CPAMD8: variants seen among roughly 807,000 people sequenced by gnomAD.
CPAMD8 encodes the protein C3 and PZP like alpha-2-macroglobulin domain containing 8.
In CPAMD8, 146 loss-of-function variants were observed where a neutral mutation model predicts 224.7. The ratio of observed to expected loss-of-function variants is 0.65; its 90% CI spans 0.57 to 0.75. The LOEUF (loss-of-function observed/expected upper bound fraction) is 0.75, where lower values mean the gene tolerates loss of function less well. CPAMD8 is among the 30% of genes least tolerant of loss of function. CPAMD8 has a pLI of 0.00. For missense variants in CPAMD8, 2,301 were observed against 2,537.5 expected (o/e 0.91, Z 2.00); for synonymous variants, 966 against 1,044.6 (o/e 0.92, Z 1.45).
At chr19:17,019,966 C>CTT (rs2056910542) in intron 3 of CPAMD8, among the ~76,000 whole-genome samples, 5 of 115,922 alleles carry the variant, frequency 4.3e-5, no homozygotes, top group African/African-American at 1.3e-4. Context: ...TTTTTTTTTT[C>CTT]TTTTCTTTTT....
intron 8 of CPAMD8, 127 bp from the exon 9 acceptor site, chr19:17,002,477 A>G: frequency 1.6e-6 from 1 of 629,212 alleles, no homozygotes; most frequent in Non-Finnish European, 2.9e-6. Flanking sequence ...CACTGTACCC[A>G]TCCACACCAC....
At chr19:16,914,298 A>C (rs2052846735) in intron 29 of CPAMD8, 126 bp downstream of exon 29, 1 of 713,836 alleles carries the variant, frequency 1.4e-6, no homozygotes, top group South Asian at 1.7e-5. Context: ...AAAGCATGAA[A>C]AAGCCTCGAT....
chr19:17,011,880 G>A (rs1441634640), intron 3 of CPAMD8, 123 bp from the exon 4 acceptor site: 2 of 1,114,426 alleles, frequency 1.8e-6, no homozygotes, highest in Non-Finnish European at 2.5e-6. Flanking sequence ...TGCCCCAGGG[G>A]GACACTTGGC....
intron 19 of CPAMD8, among the ~76,000 whole-genome samples, chr19:16,954,929 C>A (rs1175586085): frequency 6.6e-6 from 1 of 152,130 alleles, no homozygotes; most frequent in Non-Finnish European, 1.5e-5. Flanking sequence ...GAGATCGATA[C>A]CATCCTGGGT....
intron 18 of CPAMD8, among the ~76,000 whole-genome samples, chr19:16,963,977 T>TA (rs2054738618): frequency 6.6e-6 from 1 of 152,214 alleles, no homozygotes; most frequent in South Asian, 2.1e-4. Context: ...AATAAAGATG[T>TA]TCTTTGAAAC....
At chr19:16,979,126 A>G (rs569361041) in intron 14 of CPAMD8, among the ~76,000 whole-genome samples, 1 of 147,506 alleles carries the variant, frequency 6.8e-6, no homozygotes, top group South Asian at 2.2e-4. Flanking sequence ...CCATCCAACC[A>G]TCCATCTATT....
chr19:16,997,792 A>C (rs1438961777), intron 10 of CPAMD8, among the ~76,000 whole-genome samples: 1 of 151,452 alleles, frequency 6.6e-6, no homozygotes, highest in East Asian at 2.0e-4. Flanking sequence ...GCAGAGGTTG[A>C]GGTGAGCCTG....
At chr19:16,912,078 C>T (rs1047903079) in intron 29 of CPAMD8, among the ~76,000 whole-genome samples, 2 of 152,166 alleles carry the variant, frequency 1.3e-5, no homozygotes, top group South Asian at 4.1e-4. Flanking sequence ...CAAGCTCAGG[C>T]TCCCACTGAT....
intron 14 of CPAMD8, among the ~76,000 whole-genome samples, chr19:16,979,339 CATCT>C (rs1480289299): frequency 1.3e-5 from 2 of 150,372 alleles, no homozygotes; most frequent in Non-Finnish European, 3.0e-5. Context: ...TCCAGCCATC[CATCT>C]GTCCATTCAT....
intron 29 of CPAMD8, among the ~76,000 whole-genome samples, chr19:16,909,045 A>C (rs2052626859): frequency 6.6e-6 from 1 of 152,194 alleles, no homozygotes; most frequent in Non-Finnish European, 1.5e-5. Context: ...CAAGGGGTCA[A>C]GGTCATTTGC....
intron 17 of CPAMD8, among the ~76,000 whole-genome samples, chr19:16,973,095 G>A (rs1396433512): frequency 6.6e-6 from 1 of 152,090 alleles, no homozygotes. Context: ...CTTGAGCCCA[G>A]GAGGTCGAGA....
chr19:16,932,468 G>C (rs1438296502), intron 23 of CPAMD8, among the ~76,000 whole-genome samples: 1 of 152,054 alleles, frequency 6.6e-6, no homozygotes, highest in Non-Finnish European at 1.5e-5. Flanking sequence ...TGAGACAAAA[G>C]AGAACACGTA....
chr19:16,946,261 C>T (rs2054077927), intron 21 of CPAMD8, among the ~76,000 whole-genome samples: 2 of 147,832 alleles, frequency 1.4e-5, no homozygotes, highest in South Asian at 4.3e-4. Flanking sequence ...CACATGTGGG[C>T]ATGTGTGTGT....
intron 18 of CPAMD8, among the ~76,000 whole-genome samples, chr19:16,967,865 G>T (rs1275772567): frequency 7.2e-6 from 1 of 138,502 alleles, no homozygotes; most frequent in African/African-American, 2.7e-5. Context: ...GTATATACTT[G>T]TATATATGTG....
chr19:16,959,218 G>A (rs1471950611), intron 18 of CPAMD8, among the ~76,000 whole-genome samples: 1 of 148,668 alleles, frequency 6.7e-6, no homozygotes, highest in East Asian at 2.0e-4. Flanking sequence ...CTGTCACCCA[G>A]GCTGGAGTGC....
chr19:16,893,342 G>C lies in CPAMD8; in HGVS notation c.5427-3C>G. The C allele has an allele frequency of 6.6e-7, 1 of 1,519,374 alleles. No homozygotes were observed. 94.1% of individuals were successfully genotyped at this position (1,519,374 alleles called of 1,614,324 possible). ...GAGGCCGAGGCCCGGCTGTGACCCT[G>C]GAGATGAGGTTTTATCTTACAACAT... On this transcript the variant is annotated splice_polypyrimidine_tract_variant and splice_region_variant and intron_variant, in intron 41 of 41. Transcript: ENST00000443236.
intron 9 of CPAMD8, among the ~76,000 whole-genome samples, chr19:17,001,180 G>A (rs990087314): frequency 6.6e-6 from 1 of 151,974 alleles, no homozygotes; most frequent in African/African-American, 2.4e-5. Flanking sequence ...AAATTAGTTG[G>A]GTGTGGTGGC....
chr19:16,894,159 G>A, intron 41 of CPAMD8: 1 of 237,308 alleles, frequency 4.2e-6, no homozygotes, highest in South Asian at 5.0e-5. Flanking sequence ...AGCTCCAGCT[G>A]TAGCTAGGAA....
chr19:16,921,436 AG>A (rs1195703594), intron 27 of CPAMD8, among the ~76,000 whole-genome samples: 1 of 152,020 alleles, frequency 6.6e-6, no homozygotes, highest in Admixed American at 6.5e-5. Context: ...CCGGCCTCCC[AG>A]GGGCCCTCCC....
Sources: allele counts gnomAD v4.1 joint callset (sites outside exome capture counted in the v4.1 genomes callset), GRCh38; gene constraint gnomAD v4.1.1; transcripts MANE v1.5; gene names NCBI Gene and HGNC (gene_info 2026-07-23, HGNC 2026-07-21).